Variants in YES1 observed in about 807,000 individuals in gnomAD.
The protein encoded by YES1 is YES proto-oncogene 1, Src family tyrosine kinase.
In YES1, 39 loss-of-function variants were observed where a neutral mutation model predicts 70.4. The observed-to-expected ratio is 0.55, with a 90% CI of 0.43 to 0.72. The LOEUF (loss-of-function observed/expected upper bound fraction) is 0.72, where lower values mean the gene tolerates loss of function less well. YES1 is among the 30% of genes least tolerant of loss of function. The pLI is 0.00. For missense variants in YES1, 495 were observed against 644.8 expected (o/e 0.77, Z 2.52); for synonymous variants, 198 against 218.6 (o/e 0.91, Z 0.83).
At chr18:740,943 G>C (rs1011558946) in intron 8 of YES1, among the ~76,000 whole-genome samples, 2 of 152,100 alleles carry the variant, frequency 1.3e-5, no homozygotes, top group Non-Finnish European at 2.9e-5. Flanking sequence ...AGTCACCCAG[G>C]CTGGAGTGCA....
At chr18:745,487 T>G (rs1287142260) in intron 6 of YES1, among the ~76,000 whole-genome samples, 1 of 152,164 alleles carries the variant, frequency 6.6e-6, no homozygotes. Context: ...CAGTAAGATA[T>G]AAGGACCCAA....
At chr18:746,986 CTTCA>C (rs932879641) in intron 4 of YES1, among the ~76,000 whole-genome samples, 1 of 152,286 alleles carries the variant, frequency 6.6e-6, no homozygotes, top group Non-Finnish European at 1.5e-5. Flanking sequence ...GCCTCAAATA[CTTCA>C]GTGTGTACTT....
chr18:764,855 C>G (rs1184440415), intron 1 of YES1, among the ~76,000 whole-genome samples: 1 of 151,976 alleles, frequency 6.6e-6, no homozygotes, highest in Non-Finnish European at 1.5e-5. Context: ...GCCTCAGCCT[C>G]CCGAGTAGCT....
chr18:772,935 T>C (rs1322665665), intron 1 of YES1, among the ~76,000 whole-genome samples: 1 of 152,164 alleles, frequency 6.6e-6, no homozygotes, highest in African/African-American at 2.4e-5. Flanking sequence ...AGCAAAATAA[T>C]ATAAACTGCT....
At chr18:764,073 T>C (rs765110261) in intron 1 of YES1, among the ~76,000 whole-genome samples, 7 of 144,590 alleles carry the variant, frequency 4.8e-5, no homozygotes, top group Non-Finnish European at 1.0e-4. Context: ...TGAGCCGAGA[T>C]CACACCACTG....
intron 10 of YES1, 103 bp from the exon 11 acceptor site, chr18:733,068 C>T: frequency 9.1e-7 from 1 of 1,093,866 alleles, no homozygotes; most frequent in Non-Finnish European, 1.4e-6. Context: ...CTACTGTAGT[C>T]ATCAGTGTCA....
chr18:737,478 CT>C (rs1225939022), intron 9 of YES1: 1 of 152,638 alleles, frequency 6.6e-6, no homozygotes, highest in Non-Finnish European at 1.5e-5. Flanking sequence ...TAACATTACT[CT>C]GAAGACCAAG....
Position 756,646 on chromosome 18 carries a change from G to T in YES1, c.182C>A (p.Pro61Gln), listed in dbSNP as rs772368524. 2 of 1,614,138 alleles carry T rather than the reference G, an allele frequency of 1.2e-6. No homozygotes were observed. The highest frequency in any genetic ancestry group is 2.2e-5 in the South Asian group (2 of 91,076). The change falls in exon 2 of 12, where the codon CCA becomes CAA. Residue 61 changes from proline to glutamine, a missense_variant. By Grantham distance (76) the Pro-to-Gln change is moderately conservative. This residue lies in a region of YES1 where 110 missense variants were observed against 104.0 expected (regional missense o/e 1.06). Transcript: ENST00000314574. ...CGTTACCCCTGAGGATCCTCCAAAT[G>T]GTGTCATGGAAAGACTGCTGAAATT... ...AVNFSSLSMT[P>Q]FGGSSGVTPF...
intron 2 of YES1, among the ~76,000 whole-genome samples, chr18:755,062 T>C (rs1004153453): frequency 1.3e-5 from 2 of 152,338 alleles, no homozygotes; most frequent in African/African-American, 4.8e-5. Context: ...CCATTTTAGA[T>C]TACTATCTTT....
upstream of YES1, chr18:812,605 G>A (rs968398586): frequency 1.3e-5 from 2 of 152,466 alleles, no homozygotes; most frequent in South Asian, 2.1e-4. Flanking sequence ...GAGGGGGCGT[G>A]AGGAGGAGGT....
At chr18:763,404 G>C (rs908034704) in intron 1 of YES1, among the ~76,000 whole-genome samples, 3 of 152,108 alleles carry the variant, frequency 2.0e-5, no homozygotes, top group Non-Finnish European at 2.9e-5. Context: ...TGTGAGAAAA[G>C]GCAAAAGCAG....
chr18:745,939 T>C lies in YES1; in HGVS notation c.574+9A>G, dbSNP rs778363285. On this transcript the variant is annotated intron_variant, in intron 5 of 11. Transcript: ENST00000314574. Reference sequence around the variant, plus strand: ...TTTTATACTTATACTAATATAACAATATTCATACCTTTAGTTGTTTCACTC... The same window carrying C: ...TTTTATACTTATACTAATATAACAACATTCATACCTTTAGTTGTTTCACTC... The C allele has an allele frequency of 5.9e-5, 95 of 1,606,296 alleles. No homozygotes were observed. The Middle Eastern group carries it at 6.7e-4, about 11-fold the overall frequency.
chr18:741,055 G>A (rs531288663), intron 8 of YES1, among the ~76,000 whole-genome samples: 5 of 151,506 alleles, frequency 3.3e-5, no homozygotes, highest in Middle Eastern at 3.4e-3. Flanking sequence ...AAGCCACCAC[G>A]CCCAGCTGTT....
In YES1 at chr18:736,941, A is replaced by G. The variant is rs1338039371; in HGVS notation, c.1158T>C (p.Tyr386=). 3.1e-6 allele frequency: 5 copies of G among 1,609,864 alleles called. No homozygotes were observed. In the South Asian group the frequency reaches 3.3e-5, roughly 11 times the overall value. The change falls in exon 10 of 12, where the codon TAT becomes TAC. Residue 386 remains tyrosine (Y), a synonymous_variant. Transcript: ENST00000314574. Reference sequence around the variant, plus strand: ...GGTGAATATAGTTCATTCTTTCAATATATGCCATACCATCAGCAATCTTGG... The same window carrying G: ...GGTGAATATAGTTCATTCTTTCAATGTATGCCATACCATCAGCAATCTTGG... The part of the protein sequence containing the change: ...MAAQIADGMA[Y]IERMNYIHRD...
intron 1 of YES1, among the ~76,000 whole-genome samples, chr18:757,502 CAAAAAAAAAA>C (rs747227284): frequency 1.1e-5 from 1 of 91,236 alleles, no homozygotes; most frequent in Non-Finnish European, 2.3e-5. Context: ...GACTCCGTCT[CAAAAAAAAAA>C]AAAAAAGAAA....
At chr18:741,424 A>C (rs1208401273) in intron 8 of YES1, among the ~76,000 whole-genome samples, 2 of 151,896 alleles carry the variant, frequency 1.3e-5, no homozygotes, top group African/African-American at 4.8e-5. Context: ...TAGTTTTTGT[A>C]GAGATGGGGT....
intron 1 of YES1, among the ~76,000 whole-genome samples, chr18:767,928 T>C (rs1324533418): frequency 6.6e-6 from 1 of 152,200 alleles, no homozygotes; most frequent in Admixed American, 6.5e-5. Flanking sequence ...CTCAAACTCC[T>C]GACCTCAAGT....
chr18:751,795 G>GT lies in YES1; in HGVS notation c.280dup (p.Thr94AsnfsTer8). 6.3e-7 allele frequency: 1 copy of GT among 1,586,868 alleles called. No individual in the cohort carries two copies. The highest frequency in any genetic ancestry group is 8.6e-7 in the Non-Finnish European group (1 of 1,157,518). On this transcript the variant is annotated frameshift_variant, in exon 3 of 12. Transcript: ENST00000314574. LOFTEE classifies it high-confidence loss of function. ...ATAATCATATAAGGCCACAAATATAGTAACACCACCTATCAGAGGGAAAAA... is the reference window on the plus strand; with the variant it reads ...ATAATCATATAAGGCCACAAATATAGTTAACACCACCTATCAGAGGGAAAAA...
chr18:807,294 A>G (rs1440394377), intron 1 of YES1, among the ~76,000 whole-genome samples: 1 of 150,574 alleles, frequency 6.6e-6, no homozygotes, highest in Non-Finnish European at 1.5e-5. Context: ...AGATCGTGCC[A>G]TTGCACACCA....
Sources: gnomAD v4.1 joint callset for allele counts (sites outside exome capture counted in the v4.1 genomes callset) on GRCh38, gnomAD v4.1.1 for gene constraint, gnomAD v4.1.1 regional missense constraint, MANE v1.5 for transcripts, NCBI Gene and HGNC (gene_info 2026-07-23, HGNC 2026-07-21) for gene names.